Variants in EVPL observed in about 807,000 individuals in gnomAD.
EVPL encodes envoplakin.
Under a neutral mutation model 129.7 loss-of-function variants are expected in EVPL, and 94 were observed. The observed-to-expected ratio is 0.72, with a 90% confidence interval of 0.61 to 0.86. The LOEUF (loss-of-function observed/expected upper bound fraction) is 0.86. EVPL is among the 40% of genes least tolerant of loss of function. The probability of loss-of-function intolerance (pLI) is 0.00; values close to 1 mark genes in which losing one functional copy is unlikely to be tolerated. For synonymous variants in EVPL, 1,172 were observed against 1,191.1 expected, an observed-to-expected ratio of 0.98 and a Z score of 0.33; for missense variants, 2,625 against 2,721.1, an observed-to-expected ratio of 0.96 and a Z score of 0.79.
In EVPL at chr17:76,010,379, C is replaced by T. The variant is rs772189974; in HGVS notation, c.2826G>A (p.Leu942=). 1.5e-5 allele frequency: 25 copies of T among 1,613,912 alleles called. No individual in the cohort carries two copies. The highest frequency in any genetic ancestry group is 1.9e-5 in the Non-Finnish European group (23 of 1,180,036). The change falls in exon 22 of 22, where the codon CTG becomes CTA. Residue 942 remains leucine (L), a synonymous_variant. Coordinates refer to ENST00000301607, the MANE Select transcript of EVPL (RefSeq NM_001988.4). The part of the protein sequence containing the change: ...QHELEAQRSQ[L]LQLRTQRPLE... ...AGGGCCGCTGGGTCCTCAGCTGCAG[C>T]AGTTGGCTCCTCTGCGCCTCCAGCT...
rs760488849 is a variant in EVPL, at chr17:76,021,994, C to T, written c.680G>A (p.Ser227Asn). The change falls in exon 7 of 22, where the codon AGC becomes AAC. Residue 227 changes from serine to asparagine, a missense_variant. Ser to Asn is a conservative substitution (Grantham distance 46). Coordinates refer to ENST00000301607, the MANE Select transcript of EVPL (RefSeq NM_001988.4). ...AASWRGQSLGSLYTHLQGCTR... is the reference protein window; with the variant it reads ...AASWRGQSLGNLYTHLQGCTR... Reference sequence around the variant, plus strand: ...GCAGCCCTGGAGGTGCGTGTACAGGCTGCCCAGGCTCTGCCCGCGCCACGA... The same window carrying T: ...GCAGCCCTGGAGGTGCGTGTACAGGTTGCCCAGGCTCTGCCCGCGCCACGA... 1.1e-5 allele frequency: 17 copies of T among 1,566,092 alleles called. No homozygotes were observed. The South Asian group carries it at 1.8e-4, about 17-fold the overall frequency.
At chr17:76,018,807 G>A in intron 11 of EVPL, 107 bp downstream of exon 11, 2 of 1,370,602 alleles carry the variant, frequency 1.5e-6, no homozygotes, top group Non-Finnish European at 1.9e-6. Context: ...GGGCAAAAGT[G>A]GGCGCAGGAG....
chr17:76,027,157 G>A lies in EVPL; in HGVS notation c.42C>T (p.Ser14=), dbSNP rs552990079. The change falls in exon 1 of 22, where the codon TCC becomes TCT. Residue 14 remains serine, a synonymous_variant. Transcript: ENST00000301607. ...GLSKGSQGKG[S]PKGSPAKGSP... ...ACCCCTTGGCGGGGGAGCCCTTGGG[G>A]GACCCCTTCCCCTGGGAGCCTTTGC... 8 of 1,580,910 alleles carry A rather than the reference G, an allele frequency of 5.1e-6. No homozygotes were observed. In the East Asian group the frequency reaches 1.2e-4, roughly 23 times the overall value.
intron 9 of EVPL, among the ~76,000 whole-genome samples, chr17:76,020,234 C>T (rs868028527): frequency 5.9e-5 from 9 of 152,234 alleles, no homozygotes; most frequent in Admixed American, 1.3e-4. Flanking sequence ...CTACTCTGGT[C>T]GGTCTTTCTT....
chr17:76,026,938 G>C (rs1479661148), intron 1 of EVPL, among the ~76,000 whole-genome samples, 163 bp downstream of exon 1: 1 of 152,244 alleles, frequency 6.6e-6, no homozygotes, highest in East Asian at 1.9e-4. Flanking sequence ...CCCAAGGCAG[G>C]GAGAGAGTCC....
chr17:76,021,746 C>G lies in EVPL; in HGVS notation c.843G>C (p.Gln281His). The G allele has an allele frequency of 6.2e-7, 1 of 1,609,946 alleles. No homozygotes were observed. The highest frequency in any genetic ancestry group is 8.5e-7 in the Non-Finnish European group (1 of 1,179,496). ...FKQHELLSQEQSVNQLEDDGE... is the reference protein window; with the variant it reads ...FKQHELLSQEHSVNQLEDDGE... ...CGTCGTCCTCCAGCTGGTTCACGCTCTGCTCCTGGCTCAGCAGCTCGTGCT... is the reference window on the plus strand; with the variant it reads ...CGTCGTCCTCCAGCTGGTTCACGCTGTGCTCCTGGCTCAGCAGCTCGTGCT... Residue 281 changes from glutamine to histidine, a missense_variant, in exon 8 of 22, where the codon CAG becomes CAC. Gln to His is a conservative substitution (Grantham distance 24, BLOSUM62 0). Transcript: ENST00000301607.
chr17:76,007,785 TG>T lies in EVPL; in HGVS notation c.5419del (p.Gln1807ArgfsTer81), dbSNP rs1325348553. The T allele has an allele frequency of 1.2e-6, 2 of 1,611,922 alleles. No homozygotes were observed. The highest frequency in any genetic ancestry group is 1.7e-6 in the Non-Finnish European group (2 of 1,178,462). On this transcript the variant is annotated frameshift_variant, in exon 22 of 22. Coordinates refer to ENST00000301607, the MANE Select transcript of EVPL (RefSeq NM_001988.4). LOFTEE classifies it low-confidence loss of function (END_TRUNC). The surrounding 1 kb of genome is among the most constrained non-coding windows in gnomAD (Gnocchi z 8.8). ...GCTGGGAGAGAAGAAACTGGTGCTCTGGGGGGCCGGGGAGGCGAGCGGGGAC... is the reference window on the plus strand; with the variant it reads ...GCTGGGAGAGAAGAAACTGGTGCTCTGGGGGCCGGGGAGGCGAGCGGGGAC... ...SKSPLASPAP[Q>X]STSFFSPSFS...
Position 76,008,288 on chromosome 17 carries a change from C to T in EVPL, c.4917G>A (p.Ser1639=), listed in dbSNP as rs1268217503. ...CGCGGAGGATGGCCGCCTCCAGCCG[C>T]GAGAGCTCCTGGCCCCGCTGGGCCG... The part of the protein sequence containing the change: ...QKAAQRGQEL[S]RLEAAILREK... The change falls in exon 22 of 22, where the codon TCG becomes TCA. Residue 1639 remains serine (S), a synonymous_variant. Transcript: ENST00000301607. The surrounding 1 kb of genome is among the most constrained non-coding windows in gnomAD (Gnocchi z 7.4). The T allele has an allele frequency of 4.3e-6, 7 of 1,611,148 alleles. No individual in the cohort carries two copies. Among genetic ancestry groups the T allele is most frequent in the Middle Eastern group, 1.6e-4 (1 of 6,084 alleles).
rs200577963 is a variant in EVPL at position 76,009,661 on chromosome 17, C to G, written c.3544G>C (p.Val1182Leu). The change falls in exon 22 of 22, where the codon GTG becomes CTG. Residue 1182 changes from valine to leucine, a missense_variant. This residue lies in a region of EVPL where 1,453 missense variants were observed against 1,511.8 expected (regional missense o/e 0.96). Coordinates refer to ENST00000301607, the MANE Select transcript of EVPL (RefSeq NM_001988.4). This position sits in a 1 kb window ranked among gnomAD's most constrained non-coding sequence, Gnocchi z 5.9. ...ELSDLHSKYS[V>L]VEKQRPKVQL... ...ACTTTGGGCCTCTGCTTCTCCACCACGCTGTACTTGCTGTGCAGGTCGCTC... is the reference window on the plus strand; with the variant it reads ...ACTTTGGGCCTCTGCTTCTCCACCAGGCTGTACTTGCTGTGCAGGTCGCTC... The G allele has an allele frequency of 2.2e-5, 35 of 1,613,664 alleles. No homozygotes were observed. Among genetic ancestry groups the G allele is most frequent in the Admixed American group, 8.3e-5 (5 of 60,012 alleles).
Position 76,022,039 on chromosome 17 carries a change from G to A in EVPL, c.646-11C>T. ...CCACGACGCCGCCTTCTGTGCTCAGGACCCGCCGCCAGCAGCAGGGTGGGG... is the reference window on the plus strand; with the variant it reads ...CCACGACGCCGCCTTCTGTGCTCAGAACCCGCCGCCAGCAGCAGGGTGGGG... On this transcript the variant is annotated splice_polypyrimidine_tract_variant and intron_variant, in intron 6 of 21. Coordinates refer to ENST00000301607, the MANE Select transcript of EVPL (RefSeq NM_001988.4). The surrounding 1 kb of genome is among the most constrained non-coding windows in gnomAD (Gnocchi z 5.6). 1 of 1,553,680 alleles carries A rather than the reference G, an allele frequency of 6.4e-7. No individual in the cohort carries two copies. The highest frequency in any genetic ancestry group is 8.6e-7 in the Non-Finnish European group (1 of 1,156,596).
chr17:76,009,447 ACCT>A lies in EVPL; in HGVS notation c.3755_3757del (p.Glu1252del), dbSNP rs1328955601. On this transcript the variant is annotated inframe_deletion, in exon 22 of 22. Coordinates refer to ENST00000301607, the MANE Select transcript of EVPL (RefSeq NM_001988.4). This position sits in a 1 kb window ranked among gnomAD's most constrained non-coding sequence, Gnocchi z 5.9. Reference sequence around the variant, plus strand: ...CTCATGCCTCACCACCTCCTGGGTCACCTCCTTGTACTCCACCGTGGGCTTCTG... The same window carrying A: ...CTCATGCCTCACCACCTCCTGGGTCACCTTGTACTCCACCGTGGGCTTCTG... 6.2e-7 allele frequency: 1 copy of A among 1,613,560 alleles called. No individual in the cohort carries two copies. Among genetic ancestry groups the A allele is most frequent in the African/African-American group, 1.3e-5 (1 of 74,816 alleles).
chr17:76,021,625 C>G, intron 8 of EVPL, 49 bp downstream of exon 8: 3 of 1,538,464 alleles, frequency 1.9e-6, no homozygotes, highest in Non-Finnish European at 2.6e-6. Context: ...CACCTCCCCC[C>G]TTCCCCGCCC....
intron 1 of EVPL, among the ~76,000 whole-genome samples, chr17:76,025,866 C>G (rs2066495045): frequency 6.6e-6 from 1 of 152,226 alleles, no homozygotes; most frequent in Non-Finnish European, 1.5e-5. Flanking sequence ...ATTGCTGAGG[C>G]TGGGCTCCAG....
rs2066412855 is a variant in EVPL, at chr17:76,015,490, A to T, written c.1849T>A (p.Phe617Ile). The part of the protein sequence containing the change: ...PVALNSVKNK[F>I]SDVQVLCSLY... ...CTGCACAGAACCTGCACGTCACTGA[A>T]CTTGTTCTTCACGCTGTTGAGGGCT... Residue 617 changes from phenylalanine to isoleucine, a missense_variant, in exon 15 of 22, where the codon TTC (phenylalanine) becomes ATC (isoleucine). Phe to Ile is a conservative substitution (Grantham distance 21). This residue lies in a region of EVPL where 1,024 missense variants were observed against 997.5 expected (regional missense o/e 1.03). Transcript: ENST00000301607. The T allele has an allele frequency of 1.2e-6, 2 of 1,613,236 alleles. No homozygotes were observed. Among genetic ancestry groups the T allele is most frequent in the Non-Finnish European group, 1.7e-6 (2 of 1,180,010 alleles).
rs1340481913 is a variant in EVPL at position 76,021,788 on chromosome 17, G to A, written c.808-7C>T. ...GCTCGTGCTGCTTGAAGTGCTGGGG[G>A]CGAGTCGGGTGGGGAGCGGCGGTGA... On this transcript the variant is annotated splice_region_variant and splice_polypyrimidine_tract_variant and intron_variant, in intron 7 of 21. Coordinates refer to ENST00000301607, the MANE Select transcript of EVPL (RefSeq NM_001988.4). 6.3e-7 allele frequency: 1 copy of A among 1,594,990 alleles called. No individual in the cohort carries two copies. The highest frequency in any genetic ancestry group is 1.7e-5 in the Admixed American group (1 of 58,200).
chr17:76,027,094 C>A lies in EVPL; in HGVS notation c.98+7G>T. ...TCCCCGGCTCCCCATCCCCCAGTCC[C>A]ACTTACCGGCTGTGCCTGCTGGGGG... On this transcript the variant is annotated splice_region_variant and intron_variant, in intron 1 of 21. Transcript: ENST00000301607. 2 of 1,461,710 alleles carry A rather than the reference C, an allele frequency of 1.4e-6. No individual in the cohort carries two copies. The highest frequency in any genetic ancestry group is 2.6e-5 in the East Asian group (1 of 38,384). 90.5% of individuals were successfully genotyped at this position (1,461,710 alleles called of 1,614,324 possible).
chr17:76,024,798 G>T lies in EVPL; in HGVS notation c.99-678C>A, dbSNP rs2066487681. On this transcript the variant is annotated intron_variant, in intron 1 of 21. Transcript: ENST00000301607. This position sits in a 1 kb window ranked among gnomAD's most constrained non-coding sequence, Gnocchi z 4.5. ...TGGTCAGGGGTGGAGGGGAAACCTT[G>T]CTTCCACCCCAGGGCTTTTTCTGTG... 6.6e-6 allele frequency among the ~76,000 whole-genome samples: 1 copy of T among 152,176 alleles called. No homozygotes were observed. Among genetic ancestry groups the T allele is most frequent in the Admixed American group, 6.5e-5 (1 of 15,284 alleles).
At chr17:76,015,683 C>T (rs555489715) in intron 14 of EVPL, 55 bp from the exon 15 acceptor site, 21 of 1,547,682 alleles carry the variant, frequency 1.4e-5, no homozygotes, top group Non-Finnish European at 1.8e-5. Context: ...CCCGACTCTT[C>T]TACCAGGATA....
In EVPL at chr17:76,007,209, C is replaced by T. The variant is rs577682130; in HGVS notation, c.5996G>A (p.Arg1999His). 53 of 1,546,878 alleles carry T rather than the reference C, an allele frequency of 3.4e-5. 1 individual carries two copies. The African/African-American group carries it at 4.3e-4, about 12-fold the overall frequency. Residue 1999 changes from arginine (R) to histidine (H), a missense_variant, in exon 22 of 22, where the codon CGC (arginine) becomes CAC (histidine). By Grantham distance (29) the Arg-to-His change is conservative. Transcript: ENST00000301607. The surrounding 1 kb of genome is among the most constrained non-coding windows in gnomAD (Gnocchi z 8.8). Reference protein sequence around the residue: ...ERLSYKEAMGRCRKDPLSGLL... With the variant: ...ERLSYKEAMGHCRKDPLSGLL... The stretch of plus-strand genomic sequence containing the variant: ...GCCGCTCAGGGGGTCTTTGCGGCAG[C>T]GGCCCATGGCCTCCTTGTAGCTCAG...
Sources: allele counts gnomAD v4.1 joint callset (sites outside exome capture counted in the v4.1 genomes callset), GRCh38; gene constraint gnomAD v4.1.1; regional missense constraint gnomAD v4.1.1; non-coding constraint Gnocchi (gnomAD v3.1); transcripts MANE v1.5; gene names NCBI Gene and HGNC (gene_info 2026-07-23, HGNC 2026-07-21).